Variants in MARCHF2 observed in about 807,000 individuals in gnomAD.
MARCHF2 encodes the protein E3 ubiquitin-protein ligase MARCHF2.
MARCHF2 carries 22 observed loss-of-function variants against 24.0 expected under a neutral mutation model. The ratio of observed to expected loss-of-function variants is 0.92; its 90% CI spans 0.66 to 1.31. MARCHF2 has a LOEUF of 1.31. MARCHF2 is among the 50% of genes most tolerant of loss of function. The probability of loss-of-function intolerance (pLI) is 0.00; values close to 1 mark genes in which losing one functional copy is unlikely to be tolerated. For missense variants in MARCHF2, 301 were observed against 335.3 expected (o/e 0.90, Z 0.80); for synonymous variants, 154 against 153.0 (o/e 1.01, Z -0.05).
At chr19:8,419,986 G>A (rs1449424549) in intron 1 of MARCHF2, among the ~76,000 whole-genome samples, 6 of 148,064 alleles carry the variant, frequency 4.1e-5, no homozygotes, top group African/African-American at 1.3e-4. Context: ...GTGAAACCCC[G>A]TCTGTACTAA....
chr19:8,433,426 T>A (rs1221503711), intron 4 of MARCHF2, among the ~76,000 whole-genome samples: 1 of 150,816 alleles, frequency 6.6e-6, no homozygotes, highest in African/African-American at 2.4e-5. Flanking sequence ...CGCCTGTAAT[T>A]CCAGCACTTT....
intron 1 of MARCHF2, among the ~76,000 whole-genome samples, chr19:8,415,745 A>AAAAAAAAAAAAAAAAAAAAAAAAAAAAC (rs1568233711): frequency 5.6e-5 from 3 of 53,996 alleles, no homozygotes; most frequent in Admixed American, 2.4e-4. Context: ...CAAAAAAAAC[A>AAAAAAAAAAAAAAAAAAAAAAAAAAAAC]AAAAAAAAAA....
At chr19:8,429,767 G>A (rs1287871704) in intron 3 of MARCHF2, among the ~76,000 whole-genome samples, 1 of 141,314 alleles carries the variant, frequency 7.1e-6, no homozygotes, top group Non-Finnish European at 1.5e-5. Flanking sequence ...GCCTGCCAAA[G>A]TGCTAGGATT....
chr19:8,429,277 G>A (rs1375281341), intron 3 of MARCHF2, among the ~76,000 whole-genome samples: 1 of 151,912 alleles, frequency 6.6e-6, no homozygotes, highest in Non-Finnish European at 1.5e-5. Flanking sequence ...GCCAGCATGG[G>A]AGGGCAGGGG....
At chr19:8,431,497 CA>C (rs60782968) in intron 4 of MARCHF2, among the ~76,000 whole-genome samples, 714 of 57,478 alleles carry the variant, frequency 0.012, 4 homozygotes, top group South Asian at 0.046. Flanking sequence ...AACTCGATCT[CA>C]AAAAAAAAAA....
At chr19:8,432,288 G>A (rs971088295) in intron 4 of MARCHF2, among the ~76,000 whole-genome samples, 1 of 152,190 alleles carries the variant, frequency 6.6e-6, no homozygotes, top group Non-Finnish European at 1.5e-5. Context: ...ACACTGGGAG[G>A]CTGAGGCAGG....
intron 3 of MARCHF2, among the ~76,000 whole-genome samples, chr19:8,428,541 T>C (rs1433709478): frequency 5.5e-5 from 8 of 146,128 alleles, no homozygotes; most frequent in Non-Finnish European, 1.0e-4. Context: ...TCCCAGCTAC[T>C]TGGGAGGCTG....
At chr19:8,432,677 G>A (rs1048257390) in intron 4 of MARCHF2, among the ~76,000 whole-genome samples, 2 of 152,022 alleles carry the variant, frequency 1.3e-5, no homozygotes, top group African/African-American at 2.4e-5. Context: ...TGTAGTCCCA[G>A]CTACCTGGGA....
At chr19:8,425,401 A>G (rs977273374) in intron 2 of MARCHF2, among the ~76,000 whole-genome samples, 24 of 151,364 alleles carry the variant, frequency 1.6e-4, no homozygotes, top group African/African-American at 5.8e-4. Flanking sequence ...TCCATCTCAA[A>G]AAAAAAAAAA....
rs1967551621 is a variant in MARCHF2 at position 8,430,583 on chromosome 19, G to A, written c.373-75G>A. ...AAAGGACAGAGGGAGGCCTAGGCCT[G>A]GAGGTCCTTACCCCTCCCCCTCAGT... is the stretch of plus-strand genomic sequence containing the variant. On this transcript the variant is annotated intron_variant, in intron 3 of 4. Transcript: ENST00000215555. The surrounding 1 kb of genome is among the most constrained non-coding windows in gnomAD (Gnocchi z 4.4). The A allele has an allele frequency of 5.0e-6, 6 of 1,196,320 alleles. No homozygotes were observed. The East Asian group carries it at 1.2e-4, about 23-fold the overall frequency. 74.1% of individuals were successfully genotyped at this position (1,196,320 alleles called of 1,614,324 possible).
chr19:8,421,764 A>G, intron 1 of MARCHF2, 25 bp from the exon 2 acceptor site: 1 of 1,392,170 alleles, frequency 7.2e-7, no homozygotes, highest in Non-Finnish European at 9.7e-7. Flanking sequence ...CCTTGCCCCT[A>G]ACCTCCGCAC....
At position 8,438,751 on chromosome 19, in the gene MARCHF2, A is replaced by G. The variant is rs1473132538; in HGVS notation, c.*205A>G. On this transcript the variant is annotated 3_prime_UTR_variant, in exon 5 of 5. Transcript: ENST00000215555. ...AGGGTTTTTTTTTTTTTTTTTTTGC[A>G]TATGGAGGACAGGTGGACATGGTCC... 9 of 509,246 alleles carry G rather than the reference A, an allele frequency of 1.8e-5. No homozygotes were observed. The highest frequency in any genetic ancestry group is 6.5e-5 in the East Asian group (2 of 30,964). The allele number at this position is 509,246 out of a possible 1,614,324, so 31.5% of individuals were successfully genotyped here.
chr19:8,428,592 G>C (rs1405503055), intron 3 of MARCHF2, among the ~76,000 whole-genome samples: 1 of 135,582 alleles, frequency 7.4e-6, no homozygotes, highest in Non-Finnish European at 1.5e-5. Context: ...GGAGTTTGCA[G>C]TGAGTTGAGA....
At chr19:8,419,419 G>A (rs1056126153) in intron 1 of MARCHF2, among the ~76,000 whole-genome samples, 6 of 152,094 alleles carry the variant, frequency 3.9e-5, no homozygotes, top group Admixed American at 1.3e-4. Flanking sequence ...ATTTGAGCCC[G>A]GGAGGCGGAG....
At chr19:8,428,208 T>C (rs969662090) in intron 3 of MARCHF2, among the ~76,000 whole-genome samples, 3 of 151,608 alleles carry the variant, frequency 2.0e-5, no homozygotes, top group Non-Finnish European at 2.9e-5. Flanking sequence ...TGCAGTGAGC[T>C]GAGATCAGGC....
intron 1 of MARCHF2, among the ~76,000 whole-genome samples, chr19:8,417,256 C>T (rs1967107963): frequency 6.6e-6 from 1 of 151,938 alleles, no homozygotes; most frequent in Admixed American, 6.6e-5. Flanking sequence ...CCAGCCTGGC[C>T]AACGTGGTGA....
chr19:8,419,178 T>G (rs905770097), intron 1 of MARCHF2, among the ~76,000 whole-genome samples: 3 of 151,516 alleles, frequency 2.0e-5, no homozygotes, highest in Non-Finnish European at 4.4e-5. Flanking sequence ...CTGGCCAACA[T>G]GGTGAAACCC....
At chr19:8,416,427 A>G (rs1203091144) in intron 1 of MARCHF2, among the ~76,000 whole-genome samples, 2 of 151,748 alleles carry the variant, frequency 1.3e-5, no homozygotes, top group African/African-American at 4.8e-5. Flanking sequence ...TGCTGGGGAC[A>G]GCGGGAGGCA....
chr19:8,434,986 G>A (rs1192208365), intron 4 of MARCHF2, among the ~76,000 whole-genome samples: 1 of 151,662 alleles, frequency 6.6e-6, no homozygotes, highest in South Asian at 2.1e-4. Context: ...GATTATAGGC[G>A]TGAGCCATTG....
Sources: allele counts gnomAD v4.1 joint callset (sites outside exome capture counted in the v4.1 genomes callset), GRCh38; gene constraint gnomAD v4.1.1; non-coding constraint Gnocchi (gnomAD v3.1); transcripts MANE v1.5; gene names NCBI Gene and HGNC (gene_info 2026-07-23, HGNC 2026-07-21).